Variants in RECK observed in about 807,000 individuals in gnomAD.
The protein encoded by RECK is reversion-inducing cysteine-rich protein with Kazal motifs.
RECK carries 69 observed loss-of-function variants against 115.1 expected under a neutral mutation model. The observed-to-expected ratio is 0.60, with a 90% CI of 0.49 to 0.73. The LOEUF (loss-of-function observed/expected upper bound fraction) is 0.73, where lower values mean the gene tolerates loss of function less well. Among genes scored for constraint, RECK ranks in the 30% least tolerant of loss-of-function variants. RECK has a pLI of 0.00. For synonymous variants in RECK, 414 were observed against 419.7 expected (o/e 0.99, Z 0.17); for missense variants, 1,047 against 1,203.7 (o/e 0.87, Z 1.93).
chr9:36,093,469 T>TA (rs956216143), intron 10 of RECK, among the ~76,000 whole-genome samples: 10 of 151,814 alleles, frequency 6.6e-5, no homozygotes, highest in Non-Finnish European at 1.0e-4. Context: ...ATGGAAGCTC[T>TA]AAAAAAAACC....
intron 2 of RECK, among the ~76,000 whole-genome samples, chr9:36,052,797 A>C (rs913249672): frequency 2.6e-5 from 4 of 152,222 alleles, no homozygotes. Flanking sequence ...AACTAAAGAG[A>C]TGTGACAACA....
intron 8 of RECK, chr9:36,085,944 C>T (rs1280539814): frequency 6.6e-6 from 1 of 151,822 alleles, no homozygotes; most frequent in Non-Finnish European, 1.5e-5. Context: ...CGAGATACTG[C>T]TGGAGCTAAG....
At position 36,060,136 on chromosome 9, in the gene RECK, T is replaced by C. The variant is rs1235718090; in HGVS notation, c.252T>C (p.Cys84=). 1.9e-6 allele frequency: 3 copies of C among 1,613,690 alleles called. No homozygotes were observed. The highest frequency in any genetic ancestry group is 1.3e-5 in the African/African-American group (1 of 74,938). Residue 84 remains cysteine (C), a synonymous_variant, in exon 4 of 21, where the codon TGT becomes TGC. Transcript: ENST00000377966. The part of the protein sequence containing the change: ...CPETMVEIWN[C]MNSSLPGVFK... ...ACTTTTAGGTTGAAATTTGGAATTG[T>C]ATGAATTCATCTTTGCCAGGTAAGC...
chr9:36,068,725 A>G (rs1319038714), intron 6 of RECK, among the ~76,000 whole-genome samples: 2 of 152,210 alleles, frequency 1.3e-5, no homozygotes, highest in African/African-American at 4.8e-5. Flanking sequence ...CTTCCCACCA[A>G]TAAATTTGGG....
chr9:36,114,555 A>G (rs1762257068), intron 16 of RECK, among the ~76,000 whole-genome samples: 1 of 152,190 alleles, frequency 6.6e-6, no homozygotes, highest in African/African-American at 2.4e-5. Flanking sequence ...TACATAAAAT[A>G]TATCTGTAGG....
At chr9:36,069,433 C>T (rs367965641) in intron 6 of RECK, among the ~76,000 whole-genome samples, 2 of 136,744 alleles carry the variant, frequency 1.5e-5, no homozygotes, top group African/African-American at 2.8e-5. Context: ...CCCAGCTACT[C>T]GGGAGGCTGA....
At chr9:36,090,981 GT>G (rs1397123823) in intron 9 of RECK, among the ~76,000 whole-genome samples, 182 bp from the exon 10 acceptor site, 2 of 152,144 alleles carry the variant, frequency 1.3e-5, no homozygotes, top group Admixed American at 6.5e-5. Context: ...AAAGAAGCCT[GT>G]TTTCCATGGA....
chr9:36,110,809 C>G (rs10758344), intron 15 of RECK, among the ~76,000 whole-genome samples: 1 of 147,080 alleles, frequency 6.8e-6, no homozygotes. Flanking sequence ...GGGTGGGGGC[C>G]GGGTGGAGGA....
chr9:36,120,928 A>G (rs570196429), intron 19 of RECK, among the ~76,000 whole-genome samples, 192 bp downstream of exon 19: 2 of 152,308 alleles, frequency 1.3e-5, no homozygotes, highest in East Asian at 1.9e-4. Flanking sequence ...TCCCAAGCCC[A>G]TGTTCCTCCC....
intron 14 of RECK, among the ~76,000 whole-genome samples, chr9:36,109,047 T>C (rs73648713): frequency 0.011 from 1,620 of 152,068 alleles, 36 homozygotes; most frequent in African/African-American, 0.038. Flanking sequence ...AGCTCTCAAA[T>C]TTCTGCCTTA....
chr9:36,066,114 A>G (rs565181910), intron 6 of RECK, among the ~76,000 whole-genome samples: 2 of 152,196 alleles, frequency 1.3e-5, no homozygotes, highest in African/African-American at 4.8e-5. Context: ...CAAAAGCTAT[A>G]TTAAATCTGA....
intron 1 of RECK, among the ~76,000 whole-genome samples, chr9:36,044,886 T>C (rs1821012127): frequency 6.6e-6 from 1 of 152,138 alleles, no homozygotes; most frequent in South Asian, 2.1e-4. Flanking sequence ...TTTGAAATTT[T>C]AGAATTGGAA....
chr9:36,123,108 G>T lies in RECK; in HGVS notation c.*63G>T, dbSNP rs958576515. The T allele has an allele frequency of 3.4e-5, 45 of 1,323,532 alleles. No individual in the cohort carries two copies. The African/African-American group carries it at 6.1e-4, about 18-fold the overall frequency. 82.0% of individuals were successfully genotyped at this position (1,323,532 alleles called of 1,614,324 possible). A position where few individuals can be genotyped will look rare whatever the true frequency, so the allele number is the denominator to read the frequency against. ...TCTCCTGCCTTGAAAAAGACATTCA[G>T]GACTGCTGGTTTGTAGTTGAATATT... On this transcript the variant is annotated 3_prime_UTR_variant, in exon 21 of 21. Transcript: ENST00000377966.
At chr9:36,088,323 A>T (rs1004142077) in intron 9 of RECK, among the ~76,000 whole-genome samples, 33 of 152,220 alleles carry the variant, frequency 2.2e-4, no homozygotes, top group Admixed American at 2.2e-3. Context: ...TTATTAAATT[A>T]TGAAACTTTG....
intron 17 of RECK, 38 bp downstream of exon 17, chr9:36,117,215 G>C: frequency 6.7e-7 from 1 of 1,492,068 alleles, no homozygotes; most frequent in Non-Finnish European, 9.1e-7. Flanking sequence ...GTACACTACG[G>C]ATAAAATTGG....
intron 2 of RECK, among the ~76,000 whole-genome samples, chr9:36,054,309 G>C (rs1422133514): frequency 1.3e-5 from 2 of 152,120 alleles, no homozygotes; most frequent in African/African-American, 2.4e-5. Flanking sequence ...TGAATTATCA[G>C]TGAAAACCAC....
chr9:36,043,563 C>T (rs1820966808), intron 1 of RECK, among the ~76,000 whole-genome samples: 1 of 151,624 alleles, frequency 6.6e-6, no homozygotes, highest in African/African-American at 2.4e-5. Flanking sequence ...GTTGCTTTTG[C>T]TTTAGGGTTC....
In RECK at chr9:36,119,950, A is replaced by G. The variant is rs143711273; in HGVS notation, c.2465-713A>G. On this transcript the variant is annotated intron_variant, in intron 18 of 20. Transcript: ENST00000377966. ...AAATAATTTTTAAAATTAAATTTGA[A>G]TCGGTCGGGCGTGGTGGCTCACGCC... Among the ~76,000 whole-genome samples the G allele has an allele frequency of 5.2e-3, 796 of 152,276 alleles. 2 individuals are homozygous for G. Among genetic ancestry groups the G allele is most frequent in the Non-Finnish European group, 9.4e-3 (640 of 68,026 alleles).
chr9:36,104,099 A>G (rs544854959), intron 12 of RECK, among the ~76,000 whole-genome samples: 2 of 151,788 alleles, frequency 1.3e-5, no homozygotes, highest in African/African-American at 4.8e-5. Flanking sequence ...GAGTCCATAC[A>G]TATTACCATA....
Sources: allele counts gnomAD v4.1 joint callset (sites outside exome capture counted in the v4.1 genomes callset), GRCh38; gene constraint gnomAD v4.1.1; transcripts MANE v1.5; gene names NCBI Gene and HGNC (gene_info 2026-07-23, HGNC 2026-07-21).